RIMS2: variants seen among roughly 807,000 people sequenced by gnomAD.
RIMS2 encodes regulating synaptic membrane exocytosis 2.
RIMS2 carries 59 observed loss-of-function variants against 174.4 expected under a neutral mutation model. The ratio of observed to expected loss-of-function variants is 0.34; its 90% CI spans 0.27 to 0.42. RIMS2 has a LOEUF of 0.42. Ranked by LOEUF, RIMS2 falls within the 10% of genes least tolerant of loss-of-function variation. The pLI, the probability that RIMS2 is intolerant of heterozygous loss-of-function variation, is 1.00. For missense variants in RIMS2, 1,620 were observed against 1,666.3 expected, an observed-to-expected ratio of 0.97 and a Z score of 0.48; for synonymous variants, 606 against 572.5, an observed-to-expected ratio of 1.06 and a Z score of -0.84.
intron 19 of RIMS2, among the ~76,000 whole-genome samples, chr8:104,070,456 G>C (rs1035430744): frequency 6.6e-6 from 1 of 152,132 alleles, no homozygotes; most frequent in Admixed American, 6.5e-5. Context: ...AAATTTTGTA[G>C]CAAATAATTC....
At chr8:103,648,872 G>A (rs1236645074) in intron 1 of RIMS2, among the ~76,000 whole-genome samples, 1 of 152,166 alleles carries the variant, frequency 6.6e-6, no homozygotes, top group African/African-American at 2.4e-5. Context: ...CAGCATACCA[G>A]TGGGTCTTGG....
At chr8:103,827,900 C>CAAA (rs543481656) in intron 3 of RIMS2, among the ~76,000 whole-genome samples, 1 of 142,994 alleles carries the variant, frequency 7.0e-6, no homozygotes, top group Non-Finnish European at 1.5e-5. Flanking sequence ...CACTCCATCT[C>CAAA]AAAAAAAAAA....
At chr8:103,926,493 G>A (rs2078804823) in intron 10 of RIMS2, among the ~76,000 whole-genome samples, 1 of 151,518 alleles carries the variant, frequency 6.6e-6, no homozygotes, top group South Asian at 2.1e-4. Flanking sequence ...GAGAGAGAAA[G>A]ATGACTCATG....
In RIMS2 at chr8:103,575,683, C is replaced by CATATAT. The variant is rs371156171; in HGVS notation, c.176+74622_176+74623insTATATA. Among the ~76,000 whole-genome samples the CATATAT allele has an allele frequency of 4.2e-3, 612 of 145,828 alleles. 2 individuals carry two copies. Among genetic ancestry groups the CATATAT allele is most frequent in the Non-Finnish European group, 7.2e-3 (479 of 66,912 alleles). On this transcript the variant is annotated intron_variant, in intron 1 of 23. Transcript: ENST00000504942. The stretch of plus-strand genomic sequence containing the variant: ...ATAAACACACACATACACACACACA[C>CATATAT]ACATATATATATATATACACATACA...
rs192725944 is a variant in RIMS2, at chr8:103,534,630, T to A, written c.176+33568T>A. The stretch of plus-strand genomic sequence containing the variant: ...GAAATACATAAAATCATATTACAGA[T>A]CAGCATTAACAACAGGACATTTGCA... On this transcript the variant is annotated intron_variant, in intron 1 of 23. Transcript: ENST00000504942. 6.0e-4 allele frequency among the ~76,000 whole-genome samples: 91 copies of A among 152,278 alleles called. 3 individuals are homozygous for A. The East Asian group carries it at 0.016, about 27-fold the overall frequency.
intron 3 of RIMS2, among the ~76,000 whole-genome samples, chr8:103,795,248 G>A (rs560562662): frequency 1.6e-4 from 25 of 152,272 alleles, no homozygotes; most frequent in African/African-American, 6.0e-4. Context: ...GTAATACTAT[G>A]CAGCCATAAA....
intron 1 of RIMS2, among the ~76,000 whole-genome samples, chr8:103,575,429 AG>A (rs927251913): frequency 6.6e-6 from 1 of 152,110 alleles, no homozygotes; most frequent in African/African-American, 2.4e-5. Flanking sequence ...TTCCATTCCT[AG>A]GTATATACTC....
rs2092372453 is a variant in RIMS2, at chr8:103,566,615, TTCTA to T, written c.176+65558_176+65561del. Among the ~76,000 whole-genome samples the T allele has an allele frequency of 2.0e-5, 3 of 152,196 alleles. No homozygotes were observed. The South Asian group carries it at 6.2e-4, about 32-fold the overall frequency. On this transcript the variant is annotated intron_variant, in intron 1 of 23. Transcript: ENST00000504942. ...TTCTCCCAGGATAGAAACCTGTTCC[TTCTA>T]TCTAATTGTATGCTAAATTTCCTAG...
intron 19 of RIMS2, among the ~76,000 whole-genome samples, chr8:104,102,147 T>C (rs963617295): frequency 2.6e-5 from 4 of 152,180 alleles, no homozygotes; most frequent in South Asian, 2.1e-4. Flanking sequence ...GCCAGATCTG[T>C]CCTCCTGGGT....
At chr8:103,573,529 G>T (rs1040754537) in intron 1 of RIMS2, among the ~76,000 whole-genome samples, 1 of 152,062 alleles carries the variant, frequency 6.6e-6, no homozygotes, top group African/African-American at 2.4e-5. Context: ...TTTTGTTGTA[G>T]GTGTGCAGCT....
At chr8:104,091,019 G>A (rs996269647) in intron 19 of RIMS2, among the ~76,000 whole-genome samples, 5 of 151,536 alleles carry the variant, frequency 3.3e-5, no homozygotes, top group Non-Finnish European at 7.4e-5. Context: ...GTCAGATATT[G>A]TGCTAAGTGC....
intron 19 of RIMS2, among the ~76,000 whole-genome samples, chr8:104,217,119 C>T (rs1290702586): frequency 6.6e-6 from 1 of 151,946 alleles, no homozygotes; most frequent in African/African-American, 2.4e-5. Flanking sequence ...CCCTTTATTC[C>T]TGAGTTAAAT....
chr8:103,584,278 C>A (rs2093779652), intron 1 of RIMS2, among the ~76,000 whole-genome samples: 1 of 151,986 alleles, frequency 6.6e-6, no homozygotes. Flanking sequence ...TTAAAGACTC[C>A]CAGATGAACA....
At chr8:103,530,098 T>C (rs1836280743) in intron 1 of RIMS2, among the ~76,000 whole-genome samples, 1 of 152,200 alleles carries the variant, frequency 6.6e-6, no homozygotes, top group African/African-American at 2.4e-5. Context: ...GTTTTAAATA[T>C]ATGGTAAGAA....
At chr8:103,826,139 A>G (rs562784146) in intron 3 of RIMS2, among the ~76,000 whole-genome samples, 9 of 152,246 alleles carry the variant, frequency 5.9e-5, no homozygotes, top group South Asian at 2.1e-4. Context: ...GTGAATTTAT[A>G]TATATAAAAT....
chr8:103,565,142 A>C (rs1327622806), intron 1 of RIMS2, among the ~76,000 whole-genome samples: 4 of 152,196 alleles, frequency 2.6e-5, no homozygotes. Context: ...CTAGCCTAGG[A>C]ACTACATAGC....
intron 9 of RIMS2, 83 bp downstream of exon 12, chr8:103,918,570 GA>G (rs746414679): frequency 1.5e-5 from 14 of 936,212 alleles, no homozygotes; most frequent in Non-Finnish European, 2.1e-5. Context: ...CTAGTAATGT[GA>G]AGTAAGAAAT....
intron 19 of RIMS2, among the ~76,000 whole-genome samples, chr8:104,178,742 G>A (rs1320073839): frequency 6.6e-6 from 1 of 151,714 alleles, no homozygotes; most frequent in Admixed American, 6.6e-5. Context: ...TAGTGAGTTC[G>A]TATTTAACTG....
intron 19 of RIMS2, among the ~76,000 whole-genome samples, chr8:104,040,491 G>A (rs2096590335): frequency 1.3e-5 from 2 of 151,592 alleles, no homozygotes; most frequent in Admixed American, 1.3e-4. Flanking sequence ...AGGGAAAAAA[G>A]TTTTTCCAAA....
Sources: gnomAD v4.1 joint callset for allele counts (sites outside exome capture counted in the v4.1 genomes callset) on GRCh38, gnomAD v4.1.1 for gene constraint, MANE v1.5 for transcripts, NCBI Gene and HGNC (gene_info 2026-07-23, HGNC 2026-07-21) for gene names.